The following RBPJL variants were observed in gnomAD, a reference collection of about 807,000 sequenced individuals.
RBPJL encodes the protein recombination signal binding protein for immunoglobulin kappa J region like, also known as recombining binding protein suppressor of hairless-like protein.
A neutral mutation model predicts 57.6 loss-of-function variants in RBPJL; 50 were observed. That is an observed-to-expected ratio of 0.87 (90% CI 0.69 to 1.10). RBPJL has a LOEUF of 1.10. Among genes scored for constraint, RBPJL ranks in the 50% least tolerant of loss-of-function variants. The pLI, the probability that RBPJL is intolerant of heterozygous loss-of-function variation, is 0.00. For missense variants in RBPJL, 684 were observed against 693.7 expected (o/e 0.99, Z 0.16); for synonymous variants, 303 against 294.4 (o/e 1.03, Z -0.30).
At chr20:45,312,899 G>A (rs557212116) in intron 6 of RBPJL, among the ~76,000 whole-genome samples, 3 of 151,450 alleles carry the variant, frequency 2.0e-5, no homozygotes, top group Non-Finnish European at 2.9e-5. Flanking sequence ...TCCCAGCTAC[G>A]TGGGAGGCTG....
At chr20:45,310,090 G>A (rs1294334844) in intron 3 of RBPJL, among the ~76,000 whole-genome samples, 1 of 152,188 alleles carries the variant, frequency 6.6e-6, no homozygotes, top group Non-Finnish European at 1.5e-5. Flanking sequence ...GAGACAGACA[G>A]TAAACTCCCC....
chr20:45,316,310 G>A lies in RBPJL; in HGVS notation c.1144G>A (p.Val382Ile). 1 of 1,614,184 alleles carries A rather than the reference G, an allele frequency of 6.2e-7. No individual in the cohort carries two copies. The highest frequency in any genetic ancestry group is 1.3e-5 in the African/African-American group (1 of 75,074). ...CAGCCTGGCGTGTACCCTGGAGCCG[G>A]TCACTCCGGTGCCTCTCATCAGCAC... ...STSLACTLEP[V>I]TPVPLISTLE... The change falls in exon 10 of 12, where the codon GTC (valine) becomes ATC (isoleucine). Residue 382 changes from valine (V) to isoleucine (I), a missense_variant. By Grantham distance (29) the Val-to-Ile change is conservative. Transcript: ENST00000343694.
chr20:45,308,633 C>T (rs1986961569), intron 2 of RBPJL: 4 of 244,390 alleles, frequency 1.6e-5, no homozygotes, highest in Admixed American at 4.8e-5. Context: ...GCCTGGCTTT[C>T]GAGGGTGCGG....
At chr20:45,311,689 C>T in intron 4 of RBPJL, 30 bp downstream of exon 4, 1 of 1,612,230 alleles carries the variant, frequency 6.2e-7, no homozygotes. Flanking sequence ...CTGCCGGCCG[C>T]CTGCTCTGTA....
Position 45,311,947 on chromosome 20 carries a change from A to G in RBPJL, c.437A>G (p.Asp146Gly), listed in dbSNP as rs1437377343. ...TQKLNFEQQPDSREFGCAKTL... is the reference protein window; with the variant it reads ...TQKLNFEQQPGSREFGCAKTL... ...AAGCTGAATTTCGAGCAGCAGCCGG[A>G]CTCCAGGGTGAGAGCGCACGGGAAG... Residue 146 changes from aspartate to glycine, a missense_variant, in exon 5 of 12, where the codon GAC (aspartate) becomes GGC (glycine). Coordinates refer to ENST00000343694, the MANE Select transcript of RBPJL (RefSeq NM_014276.4). 15 of 1,550,232 alleles carry G rather than the reference A, an allele frequency of 9.7e-6. No individual in the cohort carries two copies. The highest frequency in any genetic ancestry group is 1.2e-5 in the Non-Finnish European group (14 of 1,146,414).
In RBPJL at chr20:45,312,351, T is replaced by C; in HGVS notation, c.575T>C (p.Ile192Thr). The C allele has an allele frequency of 1.9e-6, 3 of 1,614,072 alleles. No individual in the cohort carries two copies. Among genetic ancestry groups the C allele is most frequent in the Non-Finnish European group, 2.5e-6 (3 of 1,180,022 alleles). Residue 192 changes from isoleucine to threonine, a missense_variant, in exon 6 of 12, where the codon ATC (isoleucine) becomes ACC (threonine). Ile to Thr is a moderately conservative substitution (Grantham distance 89, BLOSUM62 -1). Transcript: ENST00000343694. ...TTCCACAGCCGCCTTATCAAGGTCATCTCGAAGCCCTCGCAGAAGAAGCAG... is the reference window on the plus strand; with the variant it reads ...TTCCACAGCCGCCTTATCAAGGTCACCTCGAAGCCCTCGCAGAAGAAGCAG... ...GTFHSRLIKV[I>T]SKPSQKKQSL...
At position 45,317,136 on chromosome 20, in the gene RBPJL, CT is replaced by C; in HGVS notation, c.*179del. 3.0e-6 allele frequency: 2 copies of C among 676,992 alleles called. No individual in the cohort carries two copies. The highest frequency in any genetic ancestry group is 2.5e-6 in the Non-Finnish European group (1 of 406,384). 41.9% of individuals were successfully genotyped at this position (676,992 alleles called of 1,614,324 possible). On this transcript the variant is annotated 3_prime_UTR_variant, in exon 12 of 12. Coordinates refer to ENST00000343694, the MANE Select transcript of RBPJL (RefSeq NM_014276.4). ...TACCCGGCTCACTCCCTCCCTTGTC[CT>C]TACACATACAGGAAGACAAGACCTG...
At chr20:45,308,109 C>T (rs771229949) in intron 1 of RBPJL, 34 bp from the exon 2 acceptor site, 11 of 1,502,740 alleles carry the variant, frequency 7.3e-6, no homozygotes, top group African/African-American at 5.5e-5. Context: ...AAAATACACT[C>T]GCCTGACCTG....
intron 10 of RBPJL, 58 bp from the exon 11 acceptor site, chr20:45,316,419 G>A (rs759885925): frequency 4.3e-5 from 68 of 1,579,396 alleles, no homozygotes; most frequent in Middle Eastern, 1.7e-4. Flanking sequence ...TGAGTGGGGG[G>A]CAGCGGGTTC....
At chr20:45,307,415 C>T (rs979770336) in intron 1 of RBPJL, among the ~76,000 whole-genome samples, 1 of 152,132 alleles carries the variant, frequency 6.6e-6, no homozygotes, top group Non-Finnish European at 1.5e-5. Flanking sequence ...CAGGGCCCGT[C>T]GTGGGAGGGT....
At chr20:45,310,243 T>A (rs1385562061) in intron 3 of RBPJL, among the ~76,000 whole-genome samples, 1 of 152,100 alleles carries the variant, frequency 6.6e-6, no homozygotes, top group Non-Finnish European at 1.5e-5. Flanking sequence ...GAGGTAACAT[T>A]GGAACTGAAA....
At chr20:45,313,645 T>G in intron 7 of RBPJL, 40 bp downstream of exon 7, 2 of 1,536,804 alleles carry the variant, frequency 1.3e-6, no homozygotes, top group Non-Finnish European at 8.8e-7. Flanking sequence ...GCACTTCACA[T>G]GCATTAGCTT....
rs1436957476 is a variant in RBPJL at position 45,311,535 on chromosome 20, AG to A, written c.258-52del. The A allele has an allele frequency of 4.5e-6, 7 of 1,564,670 alleles. No homozygotes were observed. The Admixed American group carries it at 6.7e-5, about 15-fold the overall frequency. ...TATGCTACTACCTTGCCGTGCTTAC[AG>A]GAGAGCCAAGTGGAGATGGATGCAC... On this transcript the variant is annotated intron_variant, in intron 3 of 11. Transcript: ENST00000343694.
intron 5 of RBPJL, 61 bp from the exon 6 acceptor site, chr20:45,312,160 G>A (rs1987208740): frequency 1.2e-6 from 2 of 1,609,646 alleles, no homozygotes; most frequent in Admixed American, 1.7e-5. Context: ...TCTGGGAGAG[G>A]TTGGTTCATC....
intron 4 of RBPJL, 88 bp from the exon 5 acceptor site, chr20:45,311,751 C>T (rs898092992): frequency 6.4e-7 from 1 of 1,550,944 alleles, no homozygotes; most frequent in African/African-American, 1.4e-5. Flanking sequence ...GGCGCAGTCT[C>T]CCCGCGCCCT....
intron 2 of RBPJL, among the ~76,000 whole-genome samples, chr20:45,308,775 C>T (rs562909381): frequency 7.4e-4 from 112 of 152,056 alleles, no homozygotes; most frequent in South Asian, 2.1e-3. Flanking sequence ...ATCTCTCCCA[C>T]CTCCCCTCCT....
At chr20:45,311,116 CAA>C (rs34206228) in intron 3 of RBPJL, among the ~76,000 whole-genome samples, 29 of 91,452 alleles carry the variant, frequency 3.2e-4, no homozygotes, top group Admixed American at 4.6e-4. Flanking sequence ...GACCCTGCCT[CAA>C]AAAAAAAAAA....
Position 45,314,490 on chromosome 20 carries a change from C to T in RBPJL, c.945C>T (p.Phe315=), listed in dbSNP as rs781538506. ...TCTCCCAGCTGCACAAGTGTGCATTCCAGTTTCCAGGCAGTCCCCCAGGAG... is the reference window on the plus strand; with the variant it reads ...TCTCCCAGCTGCACAAGTGTGCATTTCAGTTTCCAGGCAGTCCCCCAGGAG... ...EPISQLHKCA[F]QFPGSPPGGG... The change falls in exon 9 of 12, where the codon TTC becomes TTT. Residue 315 remains phenylalanine, a synonymous_variant. Transcript: ENST00000343694. 8.5e-5 allele frequency: 138 copies of T among 1,614,070 alleles called. 1 individual carries two copies. The South Asian group carries it at 1.5e-3, about 17-fold the overall frequency.
At chr20:45,313,689 A>G (rs1266190606) in intron 7 of RBPJL, 84 bp downstream of exon 7, 1 of 1,368,668 alleles carries the variant, frequency 7.3e-7, no homozygotes. Context: ...TAAGGAAGGT[A>G]AACTCTGCCC....
Sources: allele counts gnomAD v4.1 joint callset (sites outside exome capture counted in the v4.1 genomes callset), GRCh38; gene constraint gnomAD v4.1.1; transcripts MANE v1.5; gene names NCBI Gene and HGNC (gene_info 2026-07-23, HGNC 2026-07-21).